The following MAN1C1 variants were observed in gnomAD, a reference collection of about 807,000 sequenced individuals.
MAN1C1 encodes mannosidase alpha class 1C member 1.
A neutral mutation model predicts 71.5 loss-of-function variants in MAN1C1; 49 were observed. The ratio of observed to expected loss-of-function variants is 0.69; its 90% CI spans 0.54 to 0.87. The LOEUF (loss-of-function observed/expected upper bound fraction) is 0.87, where lower values mean the gene tolerates loss of function less well. Ranked by LOEUF, MAN1C1 falls within the 40% of genes least tolerant of loss-of-function variation. MAN1C1 has a pLI of 0.00. For missense variants in MAN1C1, 743 were observed against 835.0 expected (o/e 0.89, Z 1.36); for synonymous variants, 352 against 343.7 (o/e 1.02, Z -0.27).
chr1:25,704,025 G>A (rs3754150), intron 2 of MAN1C1, among the ~76,000 whole-genome samples: 10,169 of 152,110 alleles, frequency 0.067, 505 homozygotes, highest in East Asian at 0.18. Context: ...GCCCACAGAC[G>A]CCCCTGCCAC....
rs1229240960 is a variant in MAN1C1, at chr1:25,764,239, A to T, written c.1141+272A>T. Among the ~76,000 whole-genome samples the T allele has an allele frequency of 6.6e-6, 1 of 151,808 alleles. No homozygotes were observed. The highest frequency in any genetic ancestry group is 6.6e-5 in the Admixed American group (1 of 15,242). On this transcript the variant is annotated intron_variant, in intron 7 of 11. Transcript: ENST00000374332. The surrounding 1 kb of genome is among the most constrained non-coding windows in gnomAD (Gnocchi z 4.4). ...TCCAAACCCTACCTTCTCTGGCCCC[A>T]TCAATGGCGCAGCCTTCCATCTCTT...
chr1:25,702,163 C>T (rs181923695), intron 2 of MAN1C1, among the ~76,000 whole-genome samples: 5 of 152,288 alleles, frequency 3.3e-5, no homozygotes, highest in East Asian at 1.9e-4. Flanking sequence ...TAATGCATGA[C>T]GATCGCCGGC....
chr1:25,715,994 T>C (rs1011906082), intron 2 of MAN1C1, among the ~76,000 whole-genome samples: 4 of 152,232 alleles, frequency 2.6e-5, no homozygotes, highest in Non-Finnish European at 2.9e-5. Flanking sequence ...CCAAAATTGC[T>C]GCTGTGGCTC....
intron 1 of MAN1C1, among the ~76,000 whole-genome samples, chr1:25,674,301 T>C (rs1356301418): frequency 1.3e-5 from 2 of 152,230 alleles, no homozygotes; most frequent in Non-Finnish European, 2.9e-5. Flanking sequence ...TCCTTTGACA[T>C]GAGCAGCCCT....
intron 2 of MAN1C1, among the ~76,000 whole-genome samples, chr1:25,719,262 G>A (rs570433408): frequency 9.9e-4 from 148 of 149,802 alleles, no homozygotes; most frequent in Non-Finnish European, 1.7e-3. Context: ...TAGTAGAGAG[G>A]GGGCTTCGCC....
chr1:25,625,325 A>G (rs1003737786), intron 1 of MAN1C1, among the ~76,000 whole-genome samples: 1 of 152,280 alleles, frequency 6.6e-6, no homozygotes, highest in Non-Finnish European at 1.5e-5. Context: ...TTAAATATAC[A>G]GTTTGCTGTA....
At position 25,664,952 on chromosome 1, in the gene MAN1C1, C is replaced by T. The variant is rs567042136; in HGVS notation, c.541-21488C>T. 9.9e-5 allele frequency among the ~76,000 whole-genome samples: 15 copies of T among 152,268 alleles called. No individual in the cohort carries two copies. In the South Asian group the frequency reaches 2.9e-3, roughly 29 times the overall value. On this transcript the variant is annotated intron_variant, in intron 1 of 11. Coordinates refer to ENST00000374332, the MANE Select transcript of MAN1C1 (RefSeq NM_020379.4). The stretch of plus-strand genomic sequence containing the variant: ...GAGCAGACCTCACAAGCAAGGCTGG[C>T]GGCTTTAATTATCACTTGTGAGAAC...
In MAN1C1 at chr1:25,769,935, G is replaced by C. The variant is rs940848974; in HGVS notation, c.1142-1722G>C. On this transcript the variant is annotated intron_variant, in intron 7 of 11. Transcript: ENST00000374332. This position sits in a 1 kb window ranked among gnomAD's most constrained non-coding sequence, Gnocchi z 4.8. ...CCCTATGGGGAGGGACCGGGAGCAGGCTTGTGAGAATGCCTGAGCCCCCGC... is the reference window on the plus strand; with the variant it reads ...CCCTATGGGGAGGGACCGGGAGCAGCCTTGTGAGAATGCCTGAGCCCCCGC... 2.0e-5 allele frequency among the ~76,000 whole-genome samples: 3 copies of C among 152,324 alleles called. 1 individual carries two copies. The highest frequency in any genetic ancestry group is 4.1e-4 in the South Asian group (2 of 4,828).
intron 1 of MAN1C1, chr1:25,645,951 C>T (rs547835504): frequency 6.6e-6 from 1 of 152,378 alleles, no homozygotes; most frequent in South Asian, 2.1e-4. Context: ...CTGTCTTGCC[C>T]AAATCACTCT....
chr1:25,666,958 AG>A (rs11290438), intron 1 of MAN1C1, among the ~76,000 whole-genome samples: 152,354 of 152,354 alleles, frequency 1, 76,177 homozygotes, highest in Non-Finnish European at 1. Flanking sequence ...CACTGGCAGG[AG>A]GCTGCTGTTT....
At position 25,622,697 on chromosome 1, in the gene MAN1C1, CTG is replaced by C. The variant is rs536540771; in HGVS notation, c.540+4363_540+4364del. ...CTAGAGAGCAGGCATCGGAGGGTGC[CTG>C]TGACTTGGCAGGGAGGGAGCACCCC... On this transcript the variant is annotated intron_variant, in intron 1 of 11. Coordinates refer to ENST00000374332, the MANE Select transcript of MAN1C1 (RefSeq NM_020379.4). 2.4e-3 allele frequency among the ~76,000 whole-genome samples: 362 copies of C among 152,340 alleles called. 2 individuals carry two copies. The highest frequency in any genetic ancestry group is 8.4e-3 in the African/African-American group (351 of 41,570).
At chr1:25,763,486 CAAAAAAAAAA>C (rs60144894) in intron 6 of MAN1C1, among the ~76,000 whole-genome samples, 1 of 87,632 alleles carries the variant, frequency 1.1e-5, no homozygotes, top group South Asian at 5.1e-4. Context: ...GAGACTGTCT[CAAAAAAAAAA>C]AAAAAAAAAA....
chr1:25,665,284 C>T (rs185282182), intron 1 of MAN1C1, among the ~76,000 whole-genome samples: 6 of 152,230 alleles, frequency 3.9e-5, no homozygotes, highest in East Asian at 1.9e-4. Flanking sequence ...TCTGTAGTTA[C>T]GGGCTGTTGA....
At chr1:25,744,052 A>G (rs2047095696) in intron 2 of MAN1C1, among the ~76,000 whole-genome samples, 2 of 152,164 alleles carry the variant, frequency 1.3e-5, no homozygotes. Flanking sequence ...ATCTATGACA[A>G]TGAAGGGGTA....
rs1414974389 is a variant in MAN1C1, at chr1:25,779,686, A to G, written c.1478-1254A>G. 1.3e-5 allele frequency among the ~76,000 whole-genome samples: 2 copies of G among 150,780 alleles called. No homozygotes were observed. The highest frequency in any genetic ancestry group is 2.4e-5 in the African/African-American group (1 of 40,958). On this transcript the variant is annotated intron_variant, in intron 9 of 11. Coordinates refer to ENST00000374332, the MANE Select transcript of MAN1C1 (RefSeq NM_020379.4). The surrounding 1 kb of genome is among the most constrained non-coding windows in gnomAD (Gnocchi z 4.6). ...GGCTCCTGCCTTCACCCCACTAGCG[A>G]CTTGGCAAAATGACTGTTTTCTGAT...
rs760562759 is a variant in MAN1C1, at chr1:25,749,352, T to C, written c.834+17T>C. On this transcript the variant is annotated intron_variant, in intron 4 of 11. Coordinates refer to ENST00000374332, the MANE Select transcript of MAN1C1 (RefSeq NM_020379.4). ...GGAGAAGAGGTGGGTTGGCCTTTCA[T>C]GACCCCTGAACTGTCCAGGCTGGAA... The C allele has an allele frequency of 1.2e-5, 19 of 1,595,886 alleles. No homozygotes were observed. Among genetic ancestry groups the C allele is most frequent in the Middle Eastern group, 1.7e-4 (1 of 6,050 alleles).
In MAN1C1 at chr1:25,618,101, C is replaced by A; in HGVS notation, c.304C>A (p.Pro102Thr). 1 of 1,513,516 alleles carries A rather than the reference C, an allele frequency of 6.6e-7. No individual in the cohort carries two copies. Among genetic ancestry groups the A allele is most frequent in the Non-Finnish European group, 8.8e-7 (1 of 1,138,690 alleles). 93.8% of individuals were successfully genotyped at this position (1,513,516 alleles called of 1,614,324 possible). A position where few individuals can be genotyped will look rare whatever the true frequency, so the allele number is the denominator to read the frequency against. The change falls in exon 1 of 12, where the codon CCC becomes ACC. Residue 102 changes from proline to threonine, a missense_variant. Pro to Thr is a conservative substitution (Grantham distance 38, BLOSUM62 -1). Coordinates refer to ENST00000374332, the MANE Select transcript of MAN1C1 (RefSeq NM_020379.4). ...GEDDPSSWAS[P>T]RRRKGGLRRT... ...GGATGACCCCAGCAGCTGGGCCAGT[C>A]CCCGCCGCAGGAAAGGGGGGCTGCG...
chr1:25,673,564 T>C (rs538812618), intron 1 of MAN1C1, among the ~76,000 whole-genome samples: 42 of 152,278 alleles, frequency 2.8e-4, no homozygotes, highest in African/African-American at 1.0e-3. Flanking sequence ...TATAACAGTA[T>C]CATTATTTTT....
intron 1 of MAN1C1, among the ~76,000 whole-genome samples, chr1:25,681,221 C>T (rs1283402434): frequency 2.1e-5 from 3 of 141,086 alleles, no homozygotes; most frequent in Non-Finnish European, 4.5e-5. Flanking sequence ...AGCAATACTC[C>T]GTCTCAAAAA....
Sources: gnomAD v4.1 joint callset for allele counts (sites outside exome capture counted in the v4.1 genomes callset) on GRCh38, gnomAD v4.1.1 for gene constraint, Gnocchi (gnomAD v3.1) non-coding constraint, MANE v1.5 for transcripts, NCBI Gene and HGNC (gene_info 2026-07-23, HGNC 2026-07-21) for gene names.